PCSK2: variants seen among roughly 807,000 people sequenced by gnomAD.
PCSK2 encodes proprotein convertase subtilisin/kexin type 2.
In PCSK2, 14 loss-of-function variants were observed where a neutral mutation model predicts 69.7. The ratio of observed to expected loss-of-function variants is 0.20; its 90% CI spans 0.13 to 0.31. The LOEUF (loss-of-function observed/expected upper bound fraction) is 0.31. Among genes scored for constraint, PCSK2 ranks in the 10% least tolerant of loss-of-function variants. The probability of loss-of-function intolerance (pLI) is 1.00; values close to 1 mark genes in which losing one functional copy is unlikely to be tolerated. For missense variants in PCSK2, 544 were observed against 842.5 expected (o/e 0.65, Z 4.39); for synonymous variants, 307 against 320.7 (o/e 0.96, Z 0.46).
chr20:17,441,132 G>C (rs1466455135), intron 8 of PCSK2, among the ~76,000 whole-genome samples: 1 of 152,114 alleles, frequency 6.6e-6, no homozygotes, highest in East Asian at 1.9e-4. Flanking sequence ...GTTTCCACTT[G>C]GACACCACCC....
chr20:17,341,868 C>T (rs1382831104), intron 2 of PCSK2, among the ~76,000 whole-genome samples: 3 of 152,158 alleles, frequency 2.0e-5, no homozygotes, highest in Admixed American at 6.5e-5. Context: ...CACAGTGTTC[C>T]ATGAACATGC....
rs540038911 is a variant in PCSK2, at chr20:17,369,117, C to T, written c.506-123C>T. The T allele has an allele frequency of 1.3e-4, 103 of 771,842 alleles. No homozygotes were observed. In the African/African-American group the frequency reaches 1.6e-3, roughly 12 times the overall value. 47.8% of individuals were successfully genotyped at this position (771,842 alleles called of 1,614,324 possible). Reference sequence around the variant, plus strand: ...ACTGGGAGCTGTGTGATGGGGCACTCACCCCCATGGCAAGCCTTCTGGCAC... The same window carrying T: ...ACTGGGAGCTGTGTGATGGGGCACTTACCCCCATGGCAAGCCTTCTGGCAC... On this transcript the variant is annotated intron_variant, in intron 4 of 11. Coordinates refer to ENST00000262545, the MANE Select transcript of PCSK2 (RefSeq NM_002594.5).
intron 2 of PCSK2, among the ~76,000 whole-genome samples, chr20:17,345,506 G>A (rs953672280): frequency 1.3e-5 from 2 of 152,094 alleles, no homozygotes; most frequent in South Asian, 2.1e-4. Context: ...TCAACTCTAC[G>A]GCTGCAGTGT....
chr20:17,248,175 G>GGTGTGTGTGTGTGTGTGTGTGTGT (rs10640964), intron 1 of PCSK2, among the ~76,000 whole-genome samples: 1 of 144,372 alleles, frequency 6.9e-6, no homozygotes, highest in African/African-American at 2.6e-5. Flanking sequence ...TATAAAAAAG[G>GGTGTGTGTGTGTGTGTGTGTGTGT]GTGTGTGTGT....
intron 2 of PCSK2, among the ~76,000 whole-genome samples, chr20:17,306,519 A>G (rs892350538): frequency 6.6e-6 from 1 of 152,184 alleles, no homozygotes; most frequent in Non-Finnish European, 1.5e-5. Flanking sequence ...TTAAAAGTAT[A>G]ACATGTAAAA....
intron 2 of PCSK2, among the ~76,000 whole-genome samples, chr20:17,298,050 C>T (rs1325711549): frequency 6.6e-6 from 1 of 152,158 alleles, no homozygotes; most frequent in Non-Finnish European, 1.5e-5. Context: ...TTTCCTTCCT[C>T]TTACGCTTTG....
chr20:17,405,271 A>T (rs998059230), intron 5 of PCSK2, among the ~76,000 whole-genome samples: 1 of 152,164 alleles, frequency 6.6e-6, no homozygotes, highest in Non-Finnish European at 1.5e-5. Flanking sequence ...CTTCCCCTAC[A>T]TCAAGCTGGT....
intron 2 of PCSK2, among the ~76,000 whole-genome samples, chr20:17,273,565 A>T (rs1987947662): frequency 6.6e-6 from 1 of 152,134 alleles, no homozygotes; most frequent in Non-Finnish European, 1.5e-5. Flanking sequence ...GCATCTTCTT[A>T]GTTCTCTACT....
chr20:17,274,552 G>A (rs1333258937), intron 2 of PCSK2, among the ~76,000 whole-genome samples: 1 of 152,134 alleles, frequency 6.6e-6, no homozygotes, highest in Non-Finnish European at 1.5e-5. Context: ...CATGCTGTGA[G>A]TAGGCCAAGC....
chr20:17,234,515 G>A (rs1388587796), intron 1 of PCSK2, among the ~76,000 whole-genome samples: 1 of 152,116 alleles, frequency 6.6e-6, no homozygotes, highest in Non-Finnish European at 1.5e-5. Context: ...ACCAGCAAGT[G>A]GGCAACTGGC....
At chr20:17,231,552 G>A (rs1986142785) in intron 1 of PCSK2, among the ~76,000 whole-genome samples, 1 of 152,224 alleles carries the variant, frequency 6.6e-6, no homozygotes, top group African/African-American at 2.4e-5. Flanking sequence ...CCTTCTACAG[G>A]GAATCCTAGA....
intron 8 of PCSK2, among the ~76,000 whole-genome samples, chr20:17,437,988 C>A (rs1481438299): frequency 6.7e-6 from 1 of 149,588 alleles, no homozygotes; most frequent in African/African-American, 2.5e-5. Flanking sequence ...CAGCAGTTCC[C>A]CCCCACCCAC....
chr20:17,423,031 C>T (rs760801885), intron 6 of PCSK2, among the ~76,000 whole-genome samples: 5 of 152,090 alleles, frequency 3.3e-5, no homozygotes, highest in Admixed American at 2.0e-4. Flanking sequence ...AGAAAAACAT[C>T]TTTATGATCA....
intron 4 of PCSK2, among the ~76,000 whole-genome samples, chr20:17,361,395 A>G (rs1357497587): frequency 2.0e-5 from 3 of 152,252 alleles, no homozygotes; most frequent in African/African-American, 7.2e-5. Flanking sequence ...GGCTTGATGA[A>G]TTGGCATTTT....
At chr20:17,351,214 A>G (rs774005273) in intron 2 of PCSK2, among the ~76,000 whole-genome samples, 17 of 152,156 alleles carry the variant, frequency 1.1e-4, no homozygotes, top group Non-Finnish European at 2.2e-4. Flanking sequence ...TTGTGCACAA[A>G]TGTCAAATTA....
chr20:17,347,787 CGAAAGAAAGAAA>C (rs58349005), intron 2 of PCSK2, among the ~76,000 whole-genome samples: 5,430 of 48,234 alleles, frequency 0.11, 372 homozygotes, highest in Non-Finnish European at 0.13. Flanking sequence ...GACACATAGA[CGAAAGAAAGAAA>C]GAAAGAAAGA....
intron 2 of PCSK2, among the ~76,000 whole-genome samples, chr20:17,306,075 A>T (rs1329002936): frequency 6.6e-6 from 1 of 152,154 alleles, no homozygotes; most frequent in Non-Finnish European, 1.5e-5. Context: ...AGGATGAACC[A>T]TTTTTATAGG....
chr20:17,460,903 C>T (rs1453517463), intron 10 of PCSK2, among the ~76,000 whole-genome samples: 2 of 152,172 alleles, frequency 1.3e-5, no homozygotes, highest in African/African-American at 4.8e-5. Flanking sequence ...ACATTTACAT[C>T]CTGCAACAAA....
At chr20:17,479,015 ATAAC>A (rs1235030787) in intron 11 of PCSK2, 4 of 888,542 alleles carry the variant, frequency 4.5e-6, no homozygotes, top group Admixed American at 2.0e-5. Context: ...ACACTAATAA[ATAAC>A]TATTTTTGAA....
Sources: gnomAD v4.1 joint callset for allele counts (sites outside exome capture counted in the v4.1 genomes callset) on GRCh38, gnomAD v4.1.1 for gene constraint, MANE v1.5 for transcripts, NCBI Gene and HGNC (gene_info 2026-07-23, HGNC 2026-07-21) for gene names.